The following ARHGAP29 variants were observed in gnomAD, a reference collection of about 807,000 sequenced individuals.
The protein encoded by ARHGAP29 is Rho GTPase activating protein 29.
ARHGAP29 carries 43 observed loss-of-function variants against 122.6 expected under a neutral mutation model. That is an observed-to-expected ratio of 0.35 (90% CI 0.27 to 0.45). The LOEUF is 0.45. Among genes scored for constraint, ARHGAP29 ranks in the 20% least tolerant of loss-of-function variants. The probability of loss-of-function intolerance (pLI) is 1.00; values close to 1 mark genes in which losing one functional copy is unlikely to be tolerated. For missense variants in ARHGAP29, 1,303 were observed against 1,477.2 expected, an observed-to-expected ratio of 0.88 and a Z score of 1.93; for synonymous variants, 506 against 497.1, an observed-to-expected ratio of 1.02 and a Z score of -0.24.
chr1:94,287,567 A>T, the ARHGAP29 span, among the ~76,000 whole-genome samples: 1 of 152,038 alleles, frequency 6.6e-6, no homozygotes, highest in Non-Finnish European at 1.5e-5. Context: ...GGTTTGTTAC[A>T]TAGGTATACA....
In ARHGAP29 at chr1:94,170,348, T is replaced by C. The variant is rs1648652411; in HGVS notation, c.*3521A>G. 6.6e-6 allele frequency among the ~76,000 whole-genome samples: 1 copy of C among 152,202 alleles called. No homozygotes were observed. The highest frequency in any genetic ancestry group is 2.4e-5 in the African/African-American group (1 of 41,444). On this transcript the variant is annotated 3_prime_UTR_variant, in exon 23 of 23. Transcript: ENST00000260526. Reference sequence around the variant, plus strand: ...AAACCTTATGGGTCTTATCTAATGATAAACCAAAACTGAGGAACTTTCTAC... The same window carrying C: ...AAACCTTATGGGTCTTATCTAATGACAAACCAAAACTGAGGAACTTTCTAC...
the ARHGAP29 span, among the ~76,000 whole-genome samples, chr1:94,309,554 A>G: frequency 1.3e-5 from 2 of 152,212 alleles, no homozygotes; most frequent in African/African-American, 4.8e-5. Context: ...GTGAACAAGT[A>G]CAAAGGAATA....
At chr1:94,305,918 T>G in the ARHGAP29 span, among the ~76,000 whole-genome samples, 2 of 152,206 alleles carry the variant, frequency 1.3e-5, no homozygotes, top group South Asian at 4.1e-4. Flanking sequence ...CTGGCAGCTC[T>G]TGAAAAAGGC....
At chr1:94,200,859 C>T (rs868114019) in intron 12 of ARHGAP29, among the ~76,000 whole-genome samples, 1 of 152,174 alleles carries the variant, frequency 6.6e-6, no homozygotes, top group Non-Finnish European at 1.5e-5. Context: ...CAGATCAGTA[C>T]TTGCCAGGGG....
At chr1:94,186,051 G>C (rs757263809) in intron 16 of ARHGAP29, among the ~76,000 whole-genome samples, 35 of 152,152 alleles carry the variant, frequency 2.3e-4, no homozygotes, top group Non-Finnish European at 4.3e-4. Flanking sequence ...TCTAATTCAA[G>C]TCGTTAAGGT....
Position 94,172,342 on chromosome 1 carries a change from A to G in ARHGAP29, c.*1527T>C, listed in dbSNP as rs1648785023. The G allele has an allele frequency of 6.6e-6, 1 of 152,160 alleles. No homozygotes were observed. The highest frequency in any genetic ancestry group is 6.5e-5 in the Admixed American group (1 of 15,268). The allele number at this position is 152,160 out of a possible 1,614,324, so 9.4% of individuals were successfully genotyped here. A position where few individuals can be genotyped will look rare whatever the true frequency, so the allele number is the denominator to read the frequency against. On this transcript the variant is annotated 3_prime_UTR_variant, in exon 23 of 23. Coordinates refer to ENST00000260526, the MANE Select transcript of ARHGAP29 (RefSeq NM_004815.4). ...ATGGGCTCTAATTTTCTTTTTAGGT[A>G]TTCATAGCAATATGATTATTTTATA... is the stretch of plus-strand genomic sequence containing the variant.
Position 94,178,151 on chromosome 1 carries a change from C to T in ARHGAP29, c.2497G>A (p.Glu833Lys), listed in dbSNP as rs1052847239. ...VHLKRVVDHA[E>K]ENKMNSKNLG... The stretch of plus-strand genomic sequence containing the variant: ...TTTTTGGAGTTCATCTTGTTTTCTT[C>T]TGCATGATCTACTACCCTGCAAAGT... The change falls in exon 21 of 23, where the codon GAA (glutamate) becomes AAA (lysine). Residue 833 changes from glutamate to lysine, a missense_variant. This residue lies in a region of ARHGAP29 where 620 missense variants were observed against 651.2 expected (regional missense o/e 0.95). Coordinates refer to ENST00000260526, the MANE Select transcript of ARHGAP29 (RefSeq NM_004815.4). 1.9e-6 allele frequency: 3 copies of T among 1,613,524 alleles called. No individual in the cohort carries two copies. In the Admixed American group the frequency reaches 5.0e-5, roughly 27 times the overall value.
At chr1:94,248,392 G>T (rs143525268) in intron 1 of ARHGAP29, among the ~76,000 whole-genome samples, 2 of 152,288 alleles carry the variant, frequency 1.3e-5, no homozygotes, top group East Asian at 3.9e-4. Flanking sequence ...CATTTATCTA[G>T]ATGTTGGATC....
intron 3 of ARHGAP29, 63 bp from the exon 4 acceptor site, chr1:94,209,413 ATTTAATCC>A: frequency 9.9e-7 from 1 of 1,006,840 alleles, no homozygotes; most frequent in Non-Finnish European, 1.4e-6. Flanking sequence ...ATACAGAATC[ATTTAATCC>A]TTTAAAACTT....
chr1:94,194,943 TGA>T (rs1028492503), intron 12 of ARHGAP29: 7 of 151,404 alleles, frequency 4.6e-5, no homozygotes, highest in South Asian at 2.1e-4. Context: ...TTAGCTTCAC[TGA>T]GAGTAAATGT....
chr1:94,301,171 T>C, the ARHGAP29 span, among the ~76,000 whole-genome samples: 3 of 138,632 alleles, frequency 2.2e-5, no homozygotes, highest in African/African-American at 1.1e-4. Context: ...TCTCGATGTT[T>C]TCCTCTTTTT....
chr1:94,244,310 A>C (rs899637410), intron 1 of ARHGAP29, among the ~76,000 whole-genome samples: 9 of 152,032 alleles, frequency 5.9e-5, no homozygotes, highest in African/African-American at 1.7e-4. Context: ...AGGATAATAC[A>C]TAATGCCCAA....
At chr1:94,276,763 A>T (rs1300356797), upstream of ARHGAP29, among the ~76,000 whole-genome samples, 1 of 135,842 alleles carries the variant, frequency 7.4e-6, no homozygotes, top group African/African-American at 2.7e-5. Context: ...CCTGGGTGAC[A>T]GAGTGAGACC....
intron 8 of ARHGAP29, 74 bp downstream of exon 8, chr1:94,203,856 C>T: frequency 3.0e-6 from 4 of 1,314,582 alleles, no homozygotes; most frequent in South Asian, 2.5e-5. Context: ...CTGAAATATT[C>T]TGATTTTGCA....
At chr1:94,312,143 G>C in the ARHGAP29 span, among the ~76,000 whole-genome samples, 1 of 152,062 alleles carries the variant, frequency 6.6e-6, no homozygotes, top group African/African-American at 2.4e-5. Flanking sequence ...TATATTTGCT[G>C]TCTTCACCAA....
intron 20 of ARHGAP29, among the ~76,000 whole-genome samples, chr1:94,178,427 A>G (rs1452850265): frequency 6.6e-6 from 1 of 152,100 alleles, no homozygotes; most frequent in Non-Finnish European, 1.5e-5. Flanking sequence ...AAGAAAAAAT[A>G]CCCCTAAAAA....
At chr1:94,282,255 CTTTATTTATTTATTTA>C in the ARHGAP29 span, among the ~76,000 whole-genome samples, 949 of 141,476 alleles carry the variant, frequency 6.7e-3, 13 homozygotes, top group African/African-American at 0.023. Context: ...AGTGATAGTG[CTTTATTTATTTATTTA>C]TTTATTTATT....
chr1:94,214,428 C>A (rs1414192911), intron 3 of ARHGAP29, among the ~76,000 whole-genome samples: 1 of 152,188 alleles, frequency 6.6e-6, no homozygotes, highest in Admixed American at 6.5e-5. Context: ...CTAGTTTTAA[C>A]CTCCAAGCTC....
the ARHGAP29 span, among the ~76,000 whole-genome samples, chr1:94,282,096 CTATGTTTTT>C: frequency 1.3e-5 from 2 of 151,958 alleles, no homozygotes; most frequent in African/African-American, 4.8e-5. Context: ...TTTAAAAAAT[CTATGTTTTT>C]TAAAAACATG....
Sources: gnomAD v4.1 joint callset for allele counts (sites outside exome capture counted in the v4.1 genomes callset) on GRCh38, gnomAD v4.1.1 for gene constraint, gnomAD v4.1.1 regional missense constraint, MANE v1.5 for transcripts, NCBI Gene and HGNC (gene_info 2026-07-23, HGNC 2026-07-21) for gene names.